Variants in BTRC observed in about 807,000 individuals in gnomAD.
The protein encoded by BTRC is beta-transducin repeat containing E3 ubiquitin protein ligase.
In BTRC, 42 loss-of-function variants were observed where a neutral mutation model predicts 85.5. That is an observed-to-expected ratio of 0.49 (90% CI 0.38 to 0.64). BTRC has a LOEUF of 0.64. BTRC is among the 30% of genes least tolerant of loss of function. BTRC has a pLI of 0.00. For synonymous variants in BTRC, 255 were observed against 263.3 expected, an observed-to-expected ratio of 0.97 and a Z score of 0.30; for missense variants, 594 against 743.5, an observed-to-expected ratio of 0.80 and a Z score of 2.34.
chr10:101,497,027 A>T (rs949169255), intron 4 of BTRC, among the ~76,000 whole-genome samples: 13 of 152,252 alleles, frequency 8.5e-5, no homozygotes, highest in African/African-American at 2.9e-4. Flanking sequence ...TCTTAAAGAC[A>T]TTGTTTTATC....
chr10:101,462,214 A>G (rs987598256), intron 3 of BTRC, among the ~76,000 whole-genome samples, 156 bp downstream of exon 3: 2 of 152,236 alleles, frequency 1.3e-5, no homozygotes, highest in Admixed American at 6.5e-5. Flanking sequence ...ATCAGGTGAC[A>G]TGGTTTTCCC....
At chr10:101,425,254 A>C (rs1469103640) in intron 1 of BTRC, among the ~76,000 whole-genome samples, 1 of 151,556 alleles carries the variant, frequency 6.6e-6, no homozygotes, top group East Asian at 1.9e-4. Flanking sequence ...CAGCATTTCA[A>C]TTTTTTTTCT....
chr10:101,485,868 G>T (rs1945971295), intron 4 of BTRC, among the ~76,000 whole-genome samples: 1 of 152,178 alleles, frequency 6.6e-6, no homozygotes, highest in Non-Finnish European at 1.5e-5. Flanking sequence ...GATGAAAGAA[G>T]AAAGTTCTTC....
intron 3 of BTRC, 142 bp downstream of exon 3, chr10:101,462,200 T>A: frequency 1.6e-6 from 1 of 609,694 alleles, no homozygotes; most frequent in Non-Finnish European, 2.9e-6. Context: ...AGCCATCACT[T>A]TCAATCAGGT....
intron 1 of BTRC, among the ~76,000 whole-genome samples, chr10:101,405,194 G>A (rs1943590376): frequency 6.6e-6 from 1 of 151,594 alleles, no homozygotes; most frequent in African/African-American, 2.4e-5. Flanking sequence ...AGAAAGCTAG[G>A]ACTTTATTTA....
intron 1 of BTRC, among the ~76,000 whole-genome samples, chr10:101,363,797 G>A (rs1044865182): frequency 1.3e-5 from 2 of 152,100 alleles, no homozygotes; most frequent in Non-Finnish European, 2.9e-5. Context: ...GCAGTCAAGC[G>A]GTGGCCAGAG....
chr10:101,542,401 A>C (rs559703450), intron 13 of BTRC, among the ~76,000 whole-genome samples: 1 of 152,242 alleles, frequency 6.6e-6, no homozygotes, highest in Non-Finnish European at 1.5e-5. Flanking sequence ...TCACTACTTT[A>C]GCCACATCCC....
chr10:101,444,595 A>T (rs375405784), intron 2 of BTRC, among the ~76,000 whole-genome samples: 1 of 152,160 alleles, frequency 6.6e-6, no homozygotes, highest in Non-Finnish European at 1.5e-5. Flanking sequence ...GGAACAGCCA[A>T]TGTATTTATG....
chr10:101,509,039 TCTC>T (rs1295482594), intron 4 of BTRC, among the ~76,000 whole-genome samples: 2 of 151,970 alleles, frequency 1.3e-5, no homozygotes, highest in Non-Finnish European at 2.9e-5. Flanking sequence ...TATCTTGAAA[TCTC>T]CTTGTAAAAG....
intron 14 of BTRC, 111 bp downstream of exon 14, chr10:101,551,002 T>A: frequency 1.0e-6 from 1 of 990,856 alleles, no homozygotes. Flanking sequence ...CCAACTCCTG[T>A]AAAGCCGAGG....
At position 101,407,499 on chromosome 10, in the gene BTRC, C is replaced by T. The variant is rs1291426673; in HGVS notation, c.49-22846C>T. On this transcript the variant is annotated intron_variant, in intron 1 of 14. Coordinates refer to ENST00000370187, the MANE Select transcript of BTRC (RefSeq NM_033637.4). The stretch of plus-strand genomic sequence containing the variant: ...CGTGATCTTGGCTCACTGCAAACTC[C>T]GCCTCTGGCTTCAAGTGATTCTCGT... Among the ~76,000 whole-genome samples, 156 of 152,010 alleles carry T rather than the reference C, an allele frequency of 1.0e-3. 3 individuals are homozygous for T. The highest frequency in any genetic ancestry group is 3.9e-4 in the East Asian group (2 of 5,190).
intron 1 of BTRC, among the ~76,000 whole-genome samples, chr10:101,375,943 G>A (rs994239150): frequency 6.6e-6 from 1 of 152,208 alleles, no homozygotes; most frequent in Non-Finnish European, 1.5e-5. Context: ...CAGGGGAAGT[G>A]GGGGAAATGA....
At chr10:101,549,713 C>CAAAAAAAAAAAAAAAAAAAAAAAAAAAA (rs755481178) in intron 13 of BTRC, among the ~76,000 whole-genome samples, 7 of 42,764 alleles carry the variant, frequency 1.6e-4, no homozygotes, top group Admixed American at 3.8e-4. Context: ...GACTCTGTCT[C>CAAAAAAAAAAAAAAAAAAAAAAAAAAAA]AAAAAAAAAA....
At chr10:101,462,386 TA>T (rs1338672367) in intron 3 of BTRC, among the ~76,000 whole-genome samples, 1 of 152,050 alleles carries the variant, frequency 6.6e-6, no homozygotes, top group Non-Finnish European at 1.5e-5. Context: ...AATAATAACT[TA>T]AAAAAACAGC....
intron 4 of BTRC, among the ~76,000 whole-genome samples, chr10:101,508,936 A>AAAAAAAAAAAAAAG (rs1946616769): frequency 7.1e-6 from 1 of 141,548 alleles, no homozygotes; most frequent in Non-Finnish European, 1.5e-5. Context: ...AAAAAAAAAA[A>AAAAAAAAAAAAAAG]CTAAAAGTAG....
chr10:101,454,285 T>G (rs1945020360), intron 2 of BTRC, among the ~76,000 whole-genome samples: 1 of 152,226 alleles, frequency 6.6e-6, no homozygotes, highest in South Asian at 2.1e-4. Flanking sequence ...AAAGTAACAG[T>G]GCAGACATTT....
chr10:101,518,212 G>A (rs752361838), intron 4 of BTRC, among the ~76,000 whole-genome samples: 1 of 152,124 alleles, frequency 6.6e-6, no homozygotes, highest in Non-Finnish European at 1.5e-5. Context: ...GCGCCCGGCC[G>A]AAGTAGTGTC....
At chr10:101,496,211 G>A (rs1415465121) in intron 4 of BTRC, among the ~76,000 whole-genome samples, 1 of 151,986 alleles carries the variant, frequency 6.6e-6, no homozygotes, top group Non-Finnish European at 1.5e-5. Context: ...ATATTTTCCT[G>A]AATATATACA....
chr10:101,472,875 A>G (rs1035750717), intron 3 of BTRC, among the ~76,000 whole-genome samples: 1 of 151,982 alleles, frequency 6.6e-6, no homozygotes, highest in African/African-American at 2.4e-5. Context: ...GCTCCGTTCA[A>G]GGTTTTATCT....
Sources: gnomAD v4.1 joint callset for allele counts (sites outside exome capture counted in the v4.1 genomes callset) on GRCh38, gnomAD v4.1.1 for gene constraint, MANE v1.5 for transcripts, NCBI Gene and HGNC (gene_info 2026-07-23, HGNC 2026-07-21) for gene names.